TMEM131: variants seen among roughly 807,000 people sequenced by gnomAD.
The protein encoded by TMEM131 is transmembrane protein 131.
A neutral mutation model predicts 211.6 loss-of-function variants in TMEM131; 66 were observed. That is an observed-to-expected ratio of 0.31 (90% CI 0.26 to 0.38). The LOEUF is 0.38. TMEM131 is among the 10% of genes least tolerant of loss of function. TMEM131 has a pLI of 1.00. For synonymous variants in TMEM131, 844 were observed against 841.3 expected (o/e 1.00, Z -0.06); for missense variants, 2,036 against 2,299.3 (o/e 0.89, Z 2.34).
At chr2:97,804,884 G>C (rs908335585) in intron 22 of TMEM131, among the ~76,000 whole-genome samples, 1 of 152,060 alleles carries the variant, frequency 6.6e-6, no homozygotes, top group Non-Finnish European at 1.5e-5. Flanking sequence ...ACAGAAAAGA[G>C]AAAAATGACA....
At position 97,815,057 on chromosome 2, in the gene TMEM131, T is replaced by A. The variant is rs1681754012; in HGVS notation, c.1292+142A>T. 2.5e-5 allele frequency: 11 copies of A among 446,118 alleles called. No individual in the cohort carries two copies. In the South Asian group the frequency reaches 8.1e-4, roughly 33 times the overall value. The allele number at this position is 446,118 out of a possible 1,614,324, so 27.6% of individuals were successfully genotyped here. A position where few individuals can be genotyped will look rare whatever the true frequency, so the allele number is the denominator to read the frequency against. ...AACAAAATATAGGAGGTTTTCTCTT[T>A]TATAGTTGGGGCTGTTCTTTCAAAA... On this transcript the variant is annotated intron_variant, in intron 13 of 40. Transcript: ENST00000186436.
chr2:97,767,695 T>A (rs1022593622), intron 33 of TMEM131, among the ~76,000 whole-genome samples: 5 of 152,214 alleles, frequency 3.3e-5, no homozygotes, highest in Admixed American at 6.5e-5. Context: ...TCTACACAGA[T>A]GGTGTAAAAT....
intron 1 of TMEM131, among the ~76,000 whole-genome samples, chr2:97,958,511 T>C (rs1172643095): frequency 2.6e-5 from 4 of 152,234 alleles, no homozygotes; most frequent in African/African-American, 9.6e-5. Flanking sequence ...TTAAAATGCC[T>C]TGGTACTCAG....
At chr2:97,818,481 G>GGGGGAAAAAAAA in intron 12 of TMEM131, 132 bp downstream of exon 12, 1 of 292,102 alleles carries the variant, frequency 3.4e-6, no homozygotes, top group Non-Finnish European at 6.4e-6. Context: ...GGCGGGGGGG[G>GGGGGAAAAAAAA]ATCAACCTAA....
At chr2:97,938,374 C>T (rs1487453793) in intron 1 of TMEM131, among the ~76,000 whole-genome samples, 1 of 152,082 alleles carries the variant, frequency 6.6e-6, no homozygotes. Flanking sequence ...GCAGGGGTTG[C>T]AATCCTAGTC....
At chr2:97,968,447 A>G (rs1205600890) in intron 1 of TMEM131, among the ~76,000 whole-genome samples, 1 of 152,198 alleles carries the variant, frequency 6.6e-6, no homozygotes, top group African/African-American at 2.4e-5. Flanking sequence ...TCAACTTTCA[A>G]CTGAATTGAG....
Position 97,757,017 on chromosome 2 carries a change from A to C in TMEM131, c.*82T>G. 6.9e-7 allele frequency: 1 copy of C among 1,459,114 alleles called. No individual in the cohort carries two copies. The highest frequency in any genetic ancestry group is 1.5e-5 in the South Asian group (1 of 68,434). The allele number at this position is 1,459,114 out of a possible 1,614,324, so 90.4% of individuals were successfully genotyped here. A position where few individuals can be genotyped will look rare whatever the true frequency, so the allele number is the denominator to read the frequency against. ...GAGGGTGGGGAGGGGAGCTGCAGTAAGAGCCTTAAAAAGATGTCTCAGAAA... is the reference window on the plus strand; with the variant it reads ...GAGGGTGGGGAGGGGAGCTGCAGTACGAGCCTTAAAAAGATGTCTCAGAAA... On this transcript the variant is annotated 3_prime_UTR_variant, in exon 41 of 41. Transcript: ENST00000186436.
At chr2:97,947,103 T>TC (rs1420897596) in intron 1 of TMEM131, among the ~76,000 whole-genome samples, 1 of 152,066 alleles carries the variant, frequency 6.6e-6, no homozygotes, top group Non-Finnish European at 1.5e-5. Flanking sequence ...ACAGCTATCA[T>TC]CATACTTAAT....
intron 2 of TMEM131, among the ~76,000 whole-genome samples, chr2:97,909,244 G>T (rs1676198908): frequency 6.6e-6 from 1 of 152,190 alleles, no homozygotes; most frequent in African/African-American, 2.4e-5. Flanking sequence ...AAAAAAAGCA[G>T]TGTGGCAGTG....
intron 3 of TMEM131, among the ~76,000 whole-genome samples, chr2:97,905,632 T>C (rs1676036795): frequency 6.6e-6 from 1 of 152,188 alleles, no homozygotes. Flanking sequence ...GCTTTTCTTT[T>C]GCAATGTCTA....
At chr2:97,908,761 G>GTCT in intron 2 of TMEM131, 63 bp from the exon 3 acceptor site, 3 of 1,341,396 alleles carry the variant, frequency 2.2e-6, no homozygotes, top group Non-Finnish European at 3.1e-6. Flanking sequence ...ACAGACATAT[G>GTCT]GAATATCCAA....
At chr2:97,810,112 TAA>T (rs900902873) in intron 18 of TMEM131, among the ~76,000 whole-genome samples, 4 of 152,060 alleles carry the variant, frequency 2.6e-5, no homozygotes, top group Admixed American at 6.5e-5. Context: ...TAGATTATTT[TAA>T]AAAAGAAAGT....
intron 32 of TMEM131, among the ~76,000 whole-genome samples, chr2:97,774,622 G>A (rs1393655650): frequency 6.6e-6 from 1 of 152,190 alleles, no homozygotes; most frequent in East Asian, 1.9e-4. Flanking sequence ...TGACATCAGT[G>A]GGTGAGCACA....
At chr2:97,793,322 CT>C in intron 30 of TMEM131, 72 bp downstream of exon 30, 2 of 1,463,916 alleles carry the variant, frequency 1.4e-6, no homozygotes, top group Non-Finnish European at 1.8e-6. Flanking sequence ...TGAAAAGAAA[CT>C]TATTTTTTAT....
intron 11 of TMEM131, among the ~76,000 whole-genome samples, chr2:97,821,984 G>A (rs1682144743): frequency 6.6e-6 from 1 of 152,154 alleles, no homozygotes. Context: ...GTGGCCATGA[G>A]CGGAATTCTC....
chr2:97,929,061 T>C (rs895055686), intron 1 of TMEM131, among the ~76,000 whole-genome samples: 2 of 151,756 alleles, frequency 1.3e-5, no homozygotes, highest in African/African-American at 4.9e-5. Flanking sequence ...TGTGTTCTAA[T>C]ATTATTTTCC....
chr2:97,988,327 C>T (rs567719742), intron 1 of TMEM131, among the ~76,000 whole-genome samples: 5 of 152,080 alleles, frequency 3.3e-5, no homozygotes, highest in South Asian at 2.1e-4. Context: ...GGTTAAAGAC[C>T]GAAACATAAG....
At chr2:97,829,836 T>A in intron 11 of TMEM131, among the ~76,000 whole-genome samples, 1 of 152,046 alleles carries the variant, frequency 6.6e-6, no homozygotes. Flanking sequence ...AGGCTAGAAG[T>A]GGGAGTTCAT....
At chr2:97,855,237 T>A (rs1380529329) in intron 5 of TMEM131, among the ~76,000 whole-genome samples, 1 of 152,204 alleles carries the variant, frequency 6.6e-6, no homozygotes, top group Non-Finnish European at 1.5e-5. Flanking sequence ...AGTGCTTATT[T>A]TACTTAGTGA....
Sources: gnomAD v4.1 joint callset for allele counts (sites outside exome capture counted in the v4.1 genomes callset) on GRCh38, gnomAD v4.1.1 for gene constraint, MANE v1.5 for transcripts, NCBI Gene and HGNC (gene_info 2026-07-23, HGNC 2026-07-21) for gene names.